Variants in NAA25 observed in about 807,000 individuals in gnomAD.
NAA25 encodes the protein N-alpha-acetyltransferase 25, NatB auxiliary subunit, also known as N-terminal acetyltransferase B complex subunit NAA25.
In NAA25, 30 loss-of-function variants were observed where a neutral mutation model predicts 132.5. The ratio of observed to expected loss-of-function variants is 0.23; its 90% CI spans 0.17 to 0.31. NAA25 has a LOEUF of 0.31. NAA25 is among the 10% of genes least tolerant of loss of function. The probability of loss-of-function intolerance (pLI) is 1.00; values close to 1 mark genes in which losing one functional copy is unlikely to be tolerated. For missense variants in NAA25, 771 were observed against 1,150.4 expected (o/e 0.67, Z 4.77); for synonymous variants, 359 against 401.9 (o/e 0.89, Z 1.28).
chr12:112,035,631 AT>A (rs2078214243), intron 22 of NAA25, among the ~76,000 whole-genome samples: 1 of 151,788 alleles, frequency 6.6e-6, no homozygotes, highest in Admixed American at 6.6e-5. Flanking sequence ...GAACTCCTGG[AT>A]TTAACTGAAT....
Position 112,041,416 on chromosome 12 carries a change from C to T in NAA25, c.2440+623G>A, listed in dbSNP as rs577518819. On this transcript the variant is annotated intron_variant, in intron 20 of 23. Coordinates refer to ENST00000261745, the MANE Select transcript of NAA25 (RefSeq NM_024953.4). Reference sequence around the variant, plus strand: ...TGTTAGCCAGGATGGTCTCAATCTCCTGACCTCGTGATCTGCCTGCCTCAG... The same window carrying T: ...TGTTAGCCAGGATGGTCTCAATCTCTTGACCTCGTGATCTGCCTGCCTCAG... Among the ~76,000 whole-genome samples, 26 of 152,066 alleles carry T rather than the reference C, an allele frequency of 1.7e-4. No homozygotes were observed. The South Asian group carries it at 5.0e-3, about 29-fold the overall frequency.
intron 17 of NAA25, among the ~76,000 whole-genome samples, chr12:112,047,054 T>C (rs2078392036): frequency 2.6e-5 from 4 of 152,286 alleles, no homozygotes; most frequent in South Asian, 4.1e-4. Context: ...GGAATTCTCA[T>C]ATATGCTGTG....
At chr12:112,107,880 G>A (rs532573839) in intron 1 of NAA25, among the ~76,000 whole-genome samples, 1 of 152,310 alleles carries the variant, frequency 6.6e-6, no homozygotes, top group South Asian at 2.1e-4. Flanking sequence ...CTCAAAATCT[G>A]TGATTTTTCA....
chr12:112,057,221 A>G (rs2078560114), intron 13 of NAA25, among the ~76,000 whole-genome samples: 1 of 152,060 alleles, frequency 6.6e-6, no homozygotes, highest in Non-Finnish European at 1.5e-5. Flanking sequence ...AAAATAACAT[A>G]AAATAAAATA....
chr12:112,064,731 CT>C (rs1593786477), intron 11 of NAA25, among the ~76,000 whole-genome samples: 1 of 152,096 alleles, frequency 6.6e-6, no homozygotes, highest in East Asian at 1.9e-4. Context: ...CAAAAAATTT[CT>C]TTAAAAACTA....
At position 112,075,735 on chromosome 12, in the gene NAA25, T is replaced by C; in HGVS notation, c.719A>G (p.Lys240Arg). The change falls in exon 8 of 24, where the codon AAG becomes AGG. Residue 240 changes from lysine to arginine, a missense_variant. Transcript: ENST00000261745. ...SRENKCMAMY[K>R]KLSRWPECNA... ...GCACTCTGGCCACCTGCTCAGCTTCTTGTACATAGCCATGCATTTATTTTC... is the reference window on the plus strand; with the variant it reads ...GCACTCTGGCCACCTGCTCAGCTTCCTGTACATAGCCATGCATTTATTTTC... The C allele has an allele frequency of 6.2e-7, 1 of 1,614,060 alleles. No individual in the cohort carries two copies. Among genetic ancestry groups the C allele is most frequent in the Non-Finnish European group, 8.5e-7 (1 of 1,179,942 alleles).
intron 10 of NAA25, among the ~76,000 whole-genome samples, chr12:112,070,636 G>A (rs2078791564): frequency 6.6e-6 from 1 of 152,008 alleles, no homozygotes; most frequent in Non-Finnish European, 1.5e-5. Context: ...GGAGTGCGGT[G>A]GCGCGATCTT....
chr12:112,076,918 C>T (rs1449867724), intron 7 of NAA25, among the ~76,000 whole-genome samples: 2 of 152,052 alleles, frequency 1.3e-5, no homozygotes, highest in African/African-American at 4.8e-5. Flanking sequence ...ATAACTTAAA[C>T]CCAGGAGATC....
intron 4 of NAA25, among the ~76,000 whole-genome samples, chr12:112,087,442 AC>A (rs1478933640): frequency 3.9e-5 from 6 of 152,248 alleles, no homozygotes; most frequent in Non-Finnish European, 7.3e-5. Flanking sequence ...CCAAAACCAA[AC>A]AAAACATAAC....
chr12:112,073,106 T>C (rs981841083), intron 9 of NAA25, among the ~76,000 whole-genome samples: 3 of 151,836 alleles, frequency 2.0e-5, no homozygotes, highest in African/African-American at 7.3e-5. Flanking sequence ...TGGTGGCTCA[T>C]GCCTGTAGTC....
chr12:112,101,757 A>T (rs975582383), intron 1 of NAA25, among the ~76,000 whole-genome samples: 42 of 151,774 alleles, frequency 2.8e-4, no homozygotes, highest in Middle Eastern at 3.2e-3. Flanking sequence ...ACTGCATCTT[A>T]AAAAATCTAT....
intron 15 of NAA25, 64 bp downstream of exon 15, chr12:112,053,494 C>T (rs1010795379): frequency 1.8e-5 from 21 of 1,168,834 alleles, no homozygotes; most frequent in Non-Finnish European, 2.4e-5. Flanking sequence ...CATGTGGTGA[C>T]GTGCTCCTCA....
rs766744066 is a variant in NAA25 at position 112,029,656 on chromosome 12, A to T, written c.2797-3T>A. ...GTCTTTGAAAATTTTCTCTCTTCCT[A>T]TAAAGGAGGAGACAAGAATAATTAG... On this transcript the variant is annotated splice_region_variant and splice_polypyrimidine_tract_variant and intron_variant, in intron 23 of 23. Transcript: ENST00000261745. 4 of 1,611,706 alleles carry T rather than the reference A, an allele frequency of 2.5e-6. No homozygotes were observed. Among genetic ancestry groups the T allele is most frequent in the Non-Finnish European group, 3.4e-6 (4 of 1,179,452 alleles).
At chr12:112,096,334 T>A (rs1034230589) in intron 1 of NAA25, among the ~76,000 whole-genome samples, 1 of 152,232 alleles carries the variant, frequency 6.6e-6, no homozygotes, top group African/African-American at 2.4e-5. Flanking sequence ...CAAAGTTCCC[T>A]ATCAGCAAAG....
intron 5 of NAA25, among the ~76,000 whole-genome samples, chr12:112,078,988 G>A (rs1024829594): frequency 2.6e-5 from 4 of 151,954 alleles, no homozygotes; most frequent in African/African-American, 9.7e-5. Flanking sequence ...CATTTAAGTC[G>A]GTTATTTATA....
At chr12:112,046,954 G>C (rs946531111) in intron 17 of NAA25, among the ~76,000 whole-genome samples, 2 of 152,040 alleles carry the variant, frequency 1.3e-5, no homozygotes, top group Non-Finnish European at 2.9e-5. Flanking sequence ...ACTAGGAAAG[G>C]CTTTCCTCAC....
chr12:112,051,564 G>A (rs1055019509), intron 15 of NAA25, among the ~76,000 whole-genome samples: 2 of 152,052 alleles, frequency 1.3e-5, no homozygotes, highest in African/African-American at 4.8e-5. Context: ...CCTGTCAGCA[G>A]ATTTAATAAG....
intron 22 of NAA25, chr12:112,034,015 G>A (rs1461760988): frequency 6.6e-6 from 1 of 152,012 alleles, no homozygotes; most frequent in East Asian, 1.9e-4. Flanking sequence ...TTCTTGGACA[G>A]TTCAATATCA....
intron 1 of NAA25, among the ~76,000 whole-genome samples, chr12:112,103,217 C>A (rs2060553608): frequency 6.6e-6 from 1 of 152,098 alleles, no homozygotes. Flanking sequence ...GAACTCCTGG[C>A]CTCAAGCAAC....
Sources: allele counts gnomAD v4.1 joint callset (sites outside exome capture counted in the v4.1 genomes callset), GRCh38; gene constraint gnomAD v4.1.1; transcripts MANE v1.5; gene names NCBI Gene and HGNC (gene_info 2026-07-23, HGNC 2026-07-21).